The following PARK7 variants were observed in gnomAD, a reference collection of about 807,000 sequenced individuals.
The protein encoded by PARK7 is Parkinson disease protein 7.
In PARK7, 14 loss-of-function variants were observed where a neutral mutation model predicts 20.5. That is an observed-to-expected ratio of 0.68 (90% CI 0.45 to 1.07). PARK7 has a LOEUF of 1.07. PARK7 is among the 50% of genes least tolerant of loss of function. PARK7 has a pLI of 0.00. For missense variants in PARK7, 234 were observed against 238.1 expected, an observed-to-expected ratio of 0.98 and a Z score of 0.11; for synonymous variants, 98 against 84.3, an observed-to-expected ratio of 1.16 and a Z score of -0.89.
In PARK7 at chr1:7,977,719, A is replaced by G; in HGVS notation, c.390A>G (p.Lys130=). 1.2e-6 allele frequency: 2 copies of G among 1,614,118 alleles called. No individual in the cohort carries two copies. Among genetic ancestry groups the G allele is most frequent in the Non-Finnish European group, 1.7e-6 (2 of 1,179,960 alleles). ...AAGTTACAACACACCCTCTTGCTAA[A>G]GACAAAATGATGAATGGAGGTAAGT... ...GSKVTTHPLA[K]DKMMNGGHYT... is the part of the protein sequence containing the mutation. The change falls in exon 6 of 7, where the codon AAA becomes AAG. Residue 130 remains lysine, a synonymous_variant. Coordinates refer to ENST00000338639, the MANE Select transcript of PARK7 (RefSeq NM_007262.5).
At chr1:7,970,520 G>A (rs1640443108) in intron 4 of PARK7, among the ~76,000 whole-genome samples, 1 of 152,190 alleles carries the variant, frequency 6.6e-6, no homozygotes, top group Non-Finnish European at 1.5e-5. Context: ...TAAGAAGTGG[G>A]TTGTGTCAGA....
intron 6 of PARK7, chr1:7,982,768 TA>T (rs1052549563): frequency 2.2e-4 from 34 of 152,380 alleles, no homozygotes; most frequent in African/African-American, 6.5e-4. Context: ...CAGATTATGA[TA>T]AACCTTTTCC....
rs527454455 is a variant in PARK7 at position 7,969,480 on chromosome 1, T to C, written c.252+76T>C. On this transcript the variant is annotated intron_variant, in intron 4 of 6. Transcript: ENST00000338639. ...ACTAAAGAATTTCAGCATCTGCTTA[T>C]GTTCTGTTAATTTTGTTATTATTCA... is the stretch of plus-strand genomic sequence containing the variant. 9.8e-6 allele frequency: 10 copies of C among 1,020,238 alleles called. No homozygotes were observed. In the East Asian group the frequency reaches 2.2e-4, roughly 23 times the overall value. The allele number at this position is 1,020,238 out of a possible 1,614,324, so 63.2% of individuals were successfully genotyped here.
At chr1:7,970,233 T>C (rs1352747652) in intron 4 of PARK7, among the ~76,000 whole-genome samples, 1 of 152,134 alleles carries the variant, frequency 6.6e-6, no homozygotes, top group Non-Finnish European at 1.5e-5. Context: ...GTAAGCTGAA[T>C]TGGTGGGACC....
At chr1:7,976,990 G>A (rs953467634) in intron 5 of PARK7, among the ~76,000 whole-genome samples, 1 of 152,188 alleles carries the variant, frequency 6.6e-6, no homozygotes, top group African/African-American at 2.4e-5. Flanking sequence ...AAAGTGCTGG[G>A]AATACAGGCA....
chr1:7,975,056 A>G (rs1037256518), intron 5 of PARK7, among the ~76,000 whole-genome samples: 5 of 151,896 alleles, frequency 3.3e-5, no homozygotes, highest in African/African-American at 4.8e-5. Context: ...GGGTTTCACC[A>G]TGTTAGCCAG....
chr1:7,965,259 TA>T, intron 2 of PARK7, 64 bp from the exon 3 acceptor site: 1 of 1,455,634 alleles, frequency 6.9e-7, no homozygotes, highest in Non-Finnish European at 9.6e-7. Flanking sequence ...TCTTTTTTTT[TA>T]AAGACAGTGT....
At chr1:7,962,260 C>T (rs1640222389) in intron 1 of PARK7, among the ~76,000 whole-genome samples, 1 of 152,086 alleles carries the variant, frequency 6.6e-6, no homozygotes, top group Non-Finnish European at 1.5e-5. Context: ...ACACTGTTGA[C>T]CCCCACACAC....
intron 6 of PARK7, among the ~76,000 whole-genome samples, chr1:7,978,518 G>A (rs753387625): frequency 1.3e-5 from 2 of 151,412 alleles, no homozygotes; most frequent in South Asian, 4.2e-4. Flanking sequence ...TCAGCCTCCC[G>A]AGTAGCTGGG....
intron 3 of PARK7, among the ~76,000 whole-genome samples, chr1:7,968,245 T>C (rs1640369599): frequency 6.8e-6 from 1 of 147,060 alleles, no homozygotes; most frequent in South Asian, 2.1e-4. Context: ...GAGACGGAAG[T>C]TGCAGTGAGC....
intron 2 of PARK7, among the ~76,000 whole-genome samples, chr1:7,964,278 A>G (rs966659662): frequency 5.3e-5 from 8 of 152,200 alleles, no homozygotes; most frequent in African/African-American, 1.7e-4. Flanking sequence ...CGTGAGTTAG[A>G]TATCACCATC....
intron 2 of PARK7, 35 bp downstream of exon 2, chr1:7,962,910 T>A: frequency 6.6e-7 from 1 of 1,524,370 alleles, no homozygotes; most frequent in Non-Finnish European, 9.1e-7. Context: ...CATTCCTGTT[T>A]TAAATGTTTT....
intron 6 of PARK7, among the ~76,000 whole-genome samples, chr1:7,983,596 C>T (rs1007587293): frequency 6.6e-6 from 1 of 152,228 alleles, no homozygotes; most frequent in Non-Finnish European, 1.5e-5. Flanking sequence ...CTCCAGGCCC[C>T]GTGACATGGA....
intron 6 of PARK7, among the ~76,000 whole-genome samples, chr1:7,982,623 C>G (rs1482100641): frequency 6.6e-6 from 1 of 152,200 alleles, no homozygotes; most frequent in Non-Finnish European, 1.5e-5. Flanking sequence ...TTCAGTGAAC[C>G]ATTTACAGTT....
chr1:7,980,356 G>A (rs937106993), intron 6 of PARK7, among the ~76,000 whole-genome samples: 4 of 152,110 alleles, frequency 2.6e-5, no homozygotes, highest in African/African-American at 9.7e-5. Flanking sequence ...ACTACCTGAA[G>A]GTGTGCCTGT....
chr1:7,963,936 C>T (rs1490373265), intron 2 of PARK7, among the ~76,000 whole-genome samples: 1 of 151,868 alleles, frequency 6.6e-6, no homozygotes, highest in Admixed American at 6.6e-5. Context: ...CTGCCTCAGC[C>T]TCCCAAGTAG....
chr1:7,962,407 GACTGTTTCCCCGCATTGTGTGAA>G (rs1025919225), intron 1 of PARK7, among the ~76,000 whole-genome samples: 20 of 152,110 alleles, frequency 1.3e-4, no homozygotes, highest in African/African-American at 4.6e-4. Context: ...CTTCAAAAAA[GACTGTTTCCCCGCATTGTGTGAA>G]ATGCAGGAGA....
intron 3 of PARK7, among the ~76,000 whole-genome samples, chr1:7,966,880 G>C (rs1640342008): frequency 6.6e-6 from 1 of 152,166 alleles, no homozygotes; most frequent in South Asian, 2.1e-4. Flanking sequence ...GATCGGATCA[G>C]AGTAATTAGC....
chr1:7,964,751 A>C (rs1640290509), intron 2 of PARK7, among the ~76,000 whole-genome samples: 1 of 152,218 alleles, frequency 6.6e-6, no homozygotes, highest in South Asian at 2.1e-4. Context: ...TGACTTTAAA[A>C]ATTTTTGAAA....
Sources: allele counts gnomAD v4.1 joint callset (sites outside exome capture counted in the v4.1 genomes callset), GRCh38; gene constraint gnomAD v4.1.1; transcripts MANE v1.5; gene names NCBI Gene and HGNC (gene_info 2026-07-23, HGNC 2026-07-21).